Variants in MICAL3 observed in about 807,000 individuals in gnomAD.
MICAL3 encodes microtubule associated monooxygenase, calponin and LIM domain containing 3, also known as [F-actin]-monooxygenase MICAL3.
Under a neutral mutation model 207.4 loss-of-function variants are expected in MICAL3, and 62 were observed. The observed-to-expected ratio is 0.30, with a 90% CI of 0.24 to 0.37. The LOEUF is 0.37. Ranked by LOEUF, MICAL3 falls within the 10% of genes least tolerant of loss-of-function variation. The probability of loss-of-function intolerance (pLI) is 1.00; values close to 1 mark genes in which losing one functional copy is unlikely to be tolerated. For missense variants in MICAL3, 2,368 were observed against 2,635.6 expected, an observed-to-expected ratio of 0.90 and a Z score of 2.22; for synonymous variants, 1,077 against 1,069.3, an observed-to-expected ratio of 1.01 and a Z score of -0.14.
intron 13 of MICAL3, 81 bp from the exon 14 acceptor site, chr22:17,887,516 G>C: frequency 1.1e-6 from 1 of 875,426 alleles, no homozygotes; most frequent in South Asian, 1.6e-5. Flanking sequence ...CTCCCTCGTG[G>C]ATGGTTCGCA....
intron 16 of MICAL3, among the ~76,000 whole-genome samples, chr22:17,880,098 C>G (rs1290523134): frequency 6.6e-6 from 1 of 152,182 alleles, no homozygotes; most frequent in African/African-American, 2.4e-5. Flanking sequence ...AAAAACAGCC[C>G]CAAGGCCTCT....
intron 16 of MICAL3, chr22:17,875,292 G>A (rs534117724): frequency 4.3e-4 from 196 of 457,994 alleles, no homozygotes; most frequent in African/African-American, 3.2e-3. Context: ...ACACGAGACC[G>A]ACACAGGCAA....
intron 19 of MICAL3, chr22:17,864,290 G>T: frequency 9.3e-7 from 1 of 1,079,364 alleles, no homozygotes; most frequent in Non-Finnish European, 1.1e-6. Flanking sequence ...CTCATGACAA[G>T]CCCAGTGGCC....
intron 20 of MICAL3, among the ~76,000 whole-genome samples, chr22:17,833,633 T>C (rs956969664): frequency 9.2e-5 from 14 of 152,356 alleles, no homozygotes; most frequent in African/African-American, 3.4e-4. Flanking sequence ...TGGGGTGCCC[T>C]GCCTATGGGG....
rs1031446851 is a variant in MICAL3 at position 17,819,109 on chromosome 22, G to A, written c.3552C>T (p.Val1184=). The change falls in exon 26 of 32, where the codon GTC becomes GTT. Residue 1184 remains valine, a synonymous_variant. Coordinates refer to ENST00000441493, the MANE Select transcript of MICAL3 (RefSeq NM_015241.3). ...PSTEGPQLPP[V]PAATQEKSPE... ...GTGATTTCTCCTGGGTGGCGGCAGGGACAGGTGGGAGTTGGGGCCCCTACA... is the reference window on the plus strand; with the variant it reads ...GTGATTTCTCCTGGGTGGCGGCAGGAACAGGTGGGAGTTGGGGCCCCTACA... The A allele has an allele frequency of 2.0e-6, 3 of 1,501,388 alleles. No homozygotes were observed. The highest frequency in any genetic ancestry group is 2.7e-6 in the Non-Finnish European group (3 of 1,122,058). The allele number at this position is 1,501,388 out of a possible 1,614,324, so 93.0% of individuals were successfully genotyped here.
At chr22:17,871,784 A>G (rs906263257) in intron 17 of MICAL3, 53 bp downstream of exon 17, 5 of 1,509,438 alleles carry the variant, frequency 3.3e-6, no homozygotes, top group Non-Finnish European at 4.5e-6. Flanking sequence ...CTCAGATGGA[A>G]ACACTGTCCA....
At chr22:17,808,128 C>T (rs2062006782) in intron 29 of MICAL3, among the ~76,000 whole-genome samples, 1 of 152,278 alleles carries the variant, frequency 6.6e-6, no homozygotes, top group African/African-American at 2.4e-5. Context: ...CTGTGCCCAA[C>T]TATGCTGAGC....
Position 17,834,717 on chromosome 22 carries a change from G to A in MICAL3, c.2802-2610C>T, listed in dbSNP as rs115511192. Among the ~76,000 whole-genome samples the A allele has an allele frequency of 2.2e-3, 342 of 152,278 alleles. 1 individual carries two copies. Among genetic ancestry groups the A allele is most frequent in the African/African-American group, 7.4e-3 (307 of 41,530 alleles). ...GGGCAAACCTAAGAATCTGGGCCAC[G>A]GAAAACTTGGCATCTGGATTTTGGT... On this transcript the variant is annotated intron_variant, in intron 20 of 31. Transcript: ENST00000441493.
chr22:18,002,248 C>G lies in MICAL3; in HGVS notation c.-75+22033G>C, dbSNP rs547209992. Reference sequence around the variant, plus strand: ...AGACTTGTTTGTTGCTCTTAGTTGCCGCAAAATGAAACTAGGATTTTCATT... The same window carrying G: ...AGACTTGTTTGTTGCTCTTAGTTGCGGCAAAATGAAACTAGGATTTTCATT... On this transcript the variant is annotated intron_variant, in intron 1 of 31. Transcript: ENST00000441493. Among the ~76,000 whole-genome samples, 3 of 152,070 alleles carry G rather than the reference C, an allele frequency of 2.0e-5. No individual in the cohort carries two copies. In the South Asian group the frequency reaches 6.2e-4, roughly 32 times the overall value.
At chr22:17,880,787 A>AAGGAACGAAACTCACGTGG (rs1332603388) in intron 16 of MICAL3, among the ~76,000 whole-genome samples, 7 of 152,168 alleles carry the variant, frequency 4.6e-5, no homozygotes, top group African/African-American at 1.4e-4. Context: ...CCAGAATCAG[A>AAGGAACGAAACTCACGTGG]AGGAACGAAA....
At chr22:17,826,638 G>A (rs957429204) in intron 22 of MICAL3, 11 of 308,222 alleles carry the variant, frequency 3.6e-5, no homozygotes, top group Admixed American at 6.5e-5. Context: ...CAGGACAGAC[G>A]CCTGTCTGGC....
intron 7 of MICAL3, among the ~76,000 whole-genome samples, chr22:17,897,536 G>A (rs1930958360): frequency 1.3e-5 from 2 of 151,508 alleles, no homozygotes; most frequent in Non-Finnish European, 2.9e-5. Flanking sequence ...TTGGAACAAT[G>A]ACTACTTCTT....
chr22:17,916,206 C>T (rs79586913), intron 1 of MICAL3, among the ~76,000 whole-genome samples: 9,963 of 152,072 alleles, frequency 0.066, 1,050 homozygotes, highest in African/African-American at 0.22. Flanking sequence ...ATGTCTATGC[C>T]CATATCATCT....
intron 16 of MICAL3, chr22:17,875,321 G>A: frequency 4.0e-6 from 2 of 503,730 alleles, no homozygotes; most frequent in South Asian, 3.0e-5. Flanking sequence ...ACATGCAGCT[G>A]GCTCCCTACA....
intron 29 of MICAL3, among the ~76,000 whole-genome samples, chr22:17,800,213 T>C (rs1267746163): frequency 1.3e-5 from 2 of 152,220 alleles, no homozygotes; most frequent in African/African-American, 4.8e-5. Flanking sequence ...TTTGTGTTCT[T>C]TAAATTTCCT....
At chr22:17,881,155 G>A in intron 16 of MICAL3, 1 of 1,472,638 alleles carries the variant, frequency 6.8e-7, no homozygotes, top group Non-Finnish European at 9.5e-7. Context: ...CACCTACACA[G>A]ACAGGCAGGC....
At chr22:17,801,735 A>C (rs1489030451) in intron 29 of MICAL3, among the ~76,000 whole-genome samples, 1 of 151,950 alleles carries the variant, frequency 6.6e-6, no homozygotes, top group African/African-American at 2.4e-5. Context: ...CTCTACTAAA[A>C]ACACAAAAAT....
chr22:17,801,641 C>T (rs2061940899), intron 29 of MICAL3, among the ~76,000 whole-genome samples: 1 of 151,404 alleles, frequency 6.6e-6, no homozygotes, highest in African/African-American at 2.4e-5. Context: ...GGCCTGTAAT[C>T]CCAGCACTTT....
intron 27 of MICAL3, chr22:17,815,099 C>T (rs1008214770): frequency 5.3e-5 from 8 of 152,290 alleles, no homozygotes; most frequent in South Asian, 4.1e-4. Flanking sequence ...GTCTAGCAAA[C>T]GGCTTTGCCT....
Sources: allele counts gnomAD v4.1 joint callset (sites outside exome capture counted in the v4.1 genomes callset), GRCh38; gene constraint gnomAD v4.1.1; transcripts MANE v1.5; gene names NCBI Gene and HGNC (gene_info 2026-07-23, HGNC 2026-07-21).